The following SNUPN variants were observed in gnomAD, a reference collection of about 807,000 sequenced individuals.
The protein encoded by SNUPN is snurportin 1, also known as snurportin-1.
A neutral mutation model predicts 39.2 loss-of-function variants in SNUPN; 31 were observed. That is an observed-to-expected ratio of 0.79 (90% CI 0.59 to 1.07). The LOEUF (loss-of-function observed/expected upper bound fraction) is 1.07. Ranked by LOEUF, SNUPN falls within the 50% of genes least tolerant of loss-of-function variation. SNUPN has a pLI of 0.00. For missense variants in SNUPN, 382 were observed against 434.2 expected (o/e 0.88, Z 1.07); for synonymous variants, 132 against 159.0 (o/e 0.83, Z 1.28).
intron 2 of SNUPN, among the ~76,000 whole-genome samples, chr15:75,617,863 A>C (rs1465052220): frequency 3.3e-5 from 5 of 152,168 alleles, no homozygotes; most frequent in Non-Finnish European, 7.4e-5. Flanking sequence ...ATTATTAGGC[A>C]TGAACCACCG....
At chr15:75,611,840 C>T (rs1013779019) in intron 3 of SNUPN, among the ~76,000 whole-genome samples, 21 of 151,716 alleles carry the variant, frequency 1.4e-4, no homozygotes, top group African/African-American at 2.7e-4. Context: ...GGCGACAGAG[C>T]GAGACCCCGT....
chr15:75,610,854 C>T (rs1892759956), intron 3 of SNUPN, among the ~76,000 whole-genome samples: 2 of 152,202 alleles, frequency 1.3e-5, no homozygotes, highest in Non-Finnish European at 2.9e-5. Context: ...CTCTTCCACT[C>T]AGTCTCTTCC....
chr15:75,624,643 A>G (rs1323574979), intron 1 of SNUPN: 3 of 1,006,676 alleles, frequency 3.0e-6, no homozygotes, highest in South Asian at 2.2e-5. Flanking sequence ...ACTGCACTCC[A>G]GCCTGGACTT....
intron 3 of SNUPN, among the ~76,000 whole-genome samples, chr15:75,612,190 G>C (rs1373070981): frequency 2.0e-5 from 3 of 151,902 alleles, no homozygotes; most frequent in African/African-American, 7.3e-5. Context: ...ACGCCACTAC[G>C]CCCGGCTCAT....
At chr15:75,601,106 T>C (rs762542248) in intron 8 of SNUPN, 32 bp downstream of exon 8, 1 of 1,445,926 alleles carries the variant, frequency 6.9e-7, no homozygotes, top group Non-Finnish European at 9.7e-7. Flanking sequence ...CCTATCATCA[T>C]GTCAAGGCAA....
At chr15:75,623,991 G>A (rs1595990910) in intron 1 of SNUPN, among the ~76,000 whole-genome samples, 1 of 145,638 alleles carries the variant, frequency 6.9e-6, no homozygotes, top group Non-Finnish European at 1.5e-5. Flanking sequence ...GCAGTGGCGG[G>A]ATCTCGGCTC....
intron 3 of SNUPN, among the ~76,000 whole-genome samples, chr15:75,614,939 C>T (rs1892885918): frequency 6.6e-6 from 1 of 152,104 alleles, no homozygotes; most frequent in Non-Finnish European, 1.5e-5. Context: ...AAACCAAAGA[C>T]TTAGAGTGGC....
chr15:75,617,388 A>T lies in SNUPN; in HGVS notation c.303+20T>A. 2 of 1,610,402 alleles carry T rather than the reference A, an allele frequency of 1.2e-6. No individual in the cohort carries two copies. The highest frequency in any genetic ancestry group is 1.7e-6 in the Non-Finnish European group (2 of 1,178,436). Reference sequence around the variant, plus strand: ...AAGGGAGTGAGATTAGCTGGGTCTCATCTTCTCTGGACCACTTACTTGATT... The same window carrying T: ...AAGGGAGTGAGATTAGCTGGGTCTCTTCTTCTCTGGACCACTTACTTGATT... On this transcript the variant is annotated intron_variant, in intron 3 of 8. Coordinates refer to ENST00000308588, the MANE Select transcript of SNUPN (RefSeq NM_005701.4).
At position 75,606,690 on chromosome 15, in the gene SNUPN, A is replaced by G. The variant is rs553588099; in HGVS notation, c.600+526T>C. 7.9e-5 allele frequency among the ~76,000 whole-genome samples: 12 copies of G among 152,290 alleles called. 1 individual carries two copies. In the South Asian group the frequency reaches 2.5e-3, roughly 32 times the overall value. ...AATATTGGGGCCTCTCCTCCTTTGA[A>G]AAGTCTCCTCCTAGAGCTAACCTTT... On this transcript the variant is annotated intron_variant, in intron 6 of 8. Coordinates refer to ENST00000308588, the MANE Select transcript of SNUPN (RefSeq NM_005701.4).
intron 5 of SNUPN, among the ~76,000 whole-genome samples, 200 bp from the exon 6 acceptor site, chr15:75,607,513 G>A (rs1212041669): frequency 6.6e-6 from 1 of 152,160 alleles, no homozygotes; most frequent in Non-Finnish European, 1.5e-5. Context: ...GTGACTCAGG[G>A]TAAGACAGCA....
intron 8 of SNUPN, among the ~76,000 whole-genome samples, chr15:75,598,991 A>T (rs1199133023): frequency 6.6e-6 from 1 of 151,612 alleles, no homozygotes; most frequent in Non-Finnish European, 1.5e-5. Flanking sequence ...ACATGGTAAG[A>T]CTCCATTTCT....
chr15:75,609,174 CTTTTTTTTTTT>C (rs1205961290), intron 5 of SNUPN, among the ~76,000 whole-genome samples: 1 of 89,672 alleles, frequency 1.1e-5, no homozygotes, highest in African/African-American at 3.9e-5. Flanking sequence ...CAAAGTGGGT[CTTTTTTTTTTT>C]TTTTTTTTTT....
rs368147957 is a variant in SNUPN, at chr15:75,614,907, C to G, written c.303+2501G>C. The stretch of plus-strand genomic sequence containing the variant: ...CAATCCTATGAGATAAGTACTATTA[C>G]TATCCCCATTTTACAGATAAGAAAC... On this transcript the variant is annotated intron_variant, in intron 3 of 8. Coordinates refer to ENST00000308588, the MANE Select transcript of SNUPN (RefSeq NM_005701.4). 1.2e-4 allele frequency among the ~76,000 whole-genome samples: 19 copies of G among 152,164 alleles called. No homozygotes were observed. In the South Asian group the frequency reaches 3.3e-3, roughly 27 times the overall value.
intron 1 of SNUPN, chr15:75,622,328 T>C (rs1893093634): frequency 1.1e-5 from 11 of 985,226 alleles, no homozygotes; most frequent in Non-Finnish European, 1.2e-5. Context: ...CAGGGCTACT[T>C]ATGTGGGACT....
intron 8 of SNUPN, among the ~76,000 whole-genome samples, chr15:75,600,295 GAC>G (rs2075275548): frequency 6.7e-6 from 1 of 150,332 alleles, no homozygotes; most frequent in Non-Finnish European, 1.5e-5. Context: ...TTTTTTTTGA[GAC>G]AGAGTCTTGT....
At chr15:75,612,034 T>C (rs1892794931) in intron 3 of SNUPN, among the ~76,000 whole-genome samples, 1 of 53,242 alleles carries the variant, frequency 1.9e-5, no homozygotes, top group Admixed American at 3.4e-4. Context: ...CTTCCTTTTT[T>C]TCCTTTTTTT....
At chr15:75,625,041 G>C (rs547800126) in intron 1 of SNUPN, 61 of 177,888 alleles carry the variant, frequency 3.4e-4, no homozygotes, top group African/African-American at 1.4e-3. Context: ...CTCCCAAAGT[G>C]CTGGGATTAC....
chr15:75,624,690 C>T (rs776857504), intron 1 of SNUPN: 2 of 1,237,748 alleles, frequency 1.6e-6, no homozygotes, highest in South Asian at 1.4e-5. Context: ...AACTGATGTC[C>T]TGGATACTGG....
chr15:75,605,423 C>A (rs2075323650), intron 6 of SNUPN, 196 bp from the exon 7 acceptor site: 1 of 399,872 alleles, frequency 2.5e-6, no homozygotes, highest in South Asian at 2.6e-5. Flanking sequence ...TCTCCTGCCT[C>A]CCAAGTAGCT....
Sources: allele counts gnomAD v4.1 joint callset (sites outside exome capture counted in the v4.1 genomes callset), GRCh38; gene constraint gnomAD v4.1.1; transcripts MANE v1.5; gene names NCBI Gene and HGNC (gene_info 2026-07-23, HGNC 2026-07-21).